TRAPPC9: variants seen among roughly 807,000 people sequenced by gnomAD.
TRAPPC9 encodes trafficking protein particle complex subunit 9.
In TRAPPC9, 83 loss-of-function variants were observed where a neutral mutation model predicts 124.0. That is an observed-to-expected ratio of 0.67 (90% CI 0.56 to 0.80). TRAPPC9 has a LOEUF of 0.80. Ranked by LOEUF, TRAPPC9 falls within the 30% of genes least tolerant of loss-of-function variation. The probability of loss-of-function intolerance (pLI) is 0.00; values close to 1 mark genes in which losing one functional copy is unlikely to be tolerated. For missense variants in TRAPPC9, 1,302 were observed against 1,508.3 expected (o/e 0.86, Z 2.27); for synonymous variants, 638 against 617.5 (o/e 1.03, Z -0.49).
At chr8:140,142,861 AAT>A (rs2061402568) in intron 17 of TRAPPC9, among the ~76,000 whole-genome samples, 1 of 144,784 alleles carries the variant, frequency 6.9e-6, no homozygotes, top group African/African-American at 2.6e-5. Flanking sequence ...TGCTATAAGG[AAT>A]AAATCACAGA....
At chr8:139,973,219 G>A (rs895883758) in intron 19 of TRAPPC9, among the ~76,000 whole-genome samples, 36 of 152,340 alleles carry the variant, frequency 2.4e-4, no homozygotes, top group African/African-American at 7.0e-4. Context: ...TGAGGCATCC[G>A]TCCAAGAGGA....
At chr8:140,350,625 A>C in intron 9 of TRAPPC9, among the ~76,000 whole-genome samples, 1 of 152,026 alleles carries the variant, frequency 6.6e-6, no homozygotes, top group Non-Finnish European at 1.5e-5. Flanking sequence ...GCCGGGGGTC[A>C]CGGTGGTCTC....
intron 6 of TRAPPC9, 66 bp from the exon 7 acceptor site, chr8:140,397,811 G>A: frequency 1.2e-6 from 2 of 1,600,954 alleles, no homozygotes; most frequent in Middle Eastern, 1.7e-4. Flanking sequence ...CATTCTAAAG[G>A]CTGTGCTACT....
chr8:139,737,216 C>T (rs1818233350), intron 21 of TRAPPC9, among the ~76,000 whole-genome samples: 1 of 152,154 alleles, frequency 6.6e-6, no homozygotes, highest in Admixed American at 6.5e-5. Flanking sequence ...AGGGACAGAG[C>T]GGGCAGCCCA....
At chr8:139,738,606 G>A (rs1332044788) in intron 21 of TRAPPC9, among the ~76,000 whole-genome samples, 1 of 152,240 alleles carries the variant, frequency 6.6e-6, no homozygotes, top group Non-Finnish European at 1.5e-5. Context: ...GCCCAGGGAG[G>A]AAGGTAGCCC....
At chr8:140,030,478 A>G (rs1336699151) in intron 17 of TRAPPC9, among the ~76,000 whole-genome samples, 2 of 152,212 alleles carry the variant, frequency 1.3e-5, no homozygotes, top group African/African-American at 4.8e-5. Flanking sequence ...TTAAACCTAC[A>G]ATTAACATAT....
At chr8:140,143,460 TCATA>T (rs2130785823) in intron 17 of TRAPPC9, among the ~76,000 whole-genome samples, 1 of 152,372 alleles carries the variant, frequency 6.6e-6, no homozygotes, top group South Asian at 2.1e-4. Context: ...TTGGGATATT[TCATA>T]TATACAGAAA....
chr8:139,757,873 G>A (rs1042909174), intron 21 of TRAPPC9, among the ~76,000 whole-genome samples: 2 of 152,268 alleles, frequency 1.3e-5, no homozygotes, highest in East Asian at 1.9e-4. Flanking sequence ...CTGAACCCAC[G>A]GCAAGGACGC....
intron 17 of TRAPPC9, among the ~76,000 whole-genome samples, chr8:140,219,379 G>A (rs935566166): frequency 3.3e-5 from 5 of 152,180 alleles, no homozygotes; most frequent in Admixed American, 6.5e-5. Flanking sequence ...AAAACGTTAC[G>A]TTTTCCCTTT....
intron 16 of TRAPPC9, among the ~76,000 whole-genome samples, chr8:140,230,389 G>A (rs4606037): frequency 0.65 from 98,415 of 151,338 alleles, 32,514 homozygotes; most frequent in Admixed American, 0.73. Context: ...CAGGTGGATC[G>A]CCTGAGGTCA....
intron 6 of TRAPPC9, among the ~76,000 whole-genome samples, chr8:140,400,014 C>T (rs950462809): frequency 5.3e-5 from 8 of 152,172 alleles, no homozygotes; most frequent in African/African-American, 1.2e-4. Flanking sequence ...CAGGAGCTTC[C>T]GCTTTGGAGT....
chr8:140,371,262 A>G, intron 7 of TRAPPC9, 82 bp from the exon 8 acceptor site: 2 of 1,349,964 alleles, frequency 1.5e-6, no homozygotes, highest in South Asian at 2.5e-5. Flanking sequence ...ATGTCTCTTC[A>G]TAAAACAAAG....
rs542303394 is a variant in TRAPPC9, at chr8:139,909,031, C to A, written c.2964+1116G>T. On this transcript the variant is annotated intron_variant, in intron 20 of 22. Transcript: ENST00000438773. ...AACTCCTTGGAGACAGTGAGTCTGCCAGGCTCAAAGTCCCTTTAGCTTGAA... is the reference window on the plus strand; with the variant it reads ...AACTCCTTGGAGACAGTGAGTCTGCAAGGCTCAAAGTCCCTTTAGCTTGAA... Among the ~76,000 whole-genome samples the A allele has an allele frequency of 5.3e-5, 8 of 152,310 alleles. No homozygotes were observed. In the South Asian group the frequency reaches 1.0e-3, roughly 20 times the overall value.
intron 17 of TRAPPC9, among the ~76,000 whole-genome samples, chr8:140,106,500 T>C (rs2060668201): frequency 6.6e-6 from 1 of 152,166 alleles, no homozygotes; most frequent in Non-Finnish European, 1.5e-5. Context: ...TGAGTGGATG[T>C]CACGGCCTAT....
intron 18 of TRAPPC9, among the ~76,000 whole-genome samples, chr8:140,019,583 C>T (rs1839702224): frequency 1.9e-5 from 2 of 108,088 alleles, no homozygotes; most frequent in African/African-American, 3.7e-5. Flanking sequence ...GACAGAATCT[C>T]GCTGTGTCAC....
rs1817731669 is a variant in TRAPPC9 at position 139,730,170 on chromosome 8, A to C, written c.*891T>G. ...CAGGCCTCCTTCCACCTCCCAGACA[A>C]GCTGCTGGTGACCAGATTCCTGTCT... On this transcript the variant is annotated 3_prime_UTR_variant, in exon 23 of 23. Coordinates refer to ENST00000438773, the MANE Select transcript of TRAPPC9 (RefSeq NM_001160372.4). 6.6e-6 allele frequency among the ~76,000 whole-genome samples: 1 copy of C among 152,080 alleles called. No individual in the cohort carries two copies. The highest frequency in any genetic ancestry group is 2.4e-5 in the African/African-American group (1 of 41,420).
At chr8:139,872,619 G>A (rs1829021627) in intron 21 of TRAPPC9, among the ~76,000 whole-genome samples, 1 of 149,864 alleles carries the variant, frequency 6.7e-6, no homozygotes, top group South Asian at 2.2e-4. Context: ...TGGGTGGGCT[G>A]GTGGACGGGT....
chr8:140,435,481 T>C (rs1403605363), intron 3 of TRAPPC9, among the ~76,000 whole-genome samples: 8 of 152,228 alleles, frequency 5.3e-5, no homozygotes, highest in Admixed American at 5.2e-4. Context: ...AGGCAGGCAA[T>C]GCAGAACACT....
rs114657534 is a variant in TRAPPC9, at chr8:140,005,568, T to A, written c.2700-16732A>T. ...AACAGTGTTTGCAAAGGTCTCAAGC[T>A]CAATCAGCACGGCTTATTGGGGGAA... On this transcript the variant is annotated intron_variant, in intron 18 of 22. Transcript: ENST00000438773. Among the ~76,000 whole-genome samples the A allele has an allele frequency of 7.4e-3, 1,127 of 152,120 alleles. 14 individuals are homozygous for A. The highest frequency in any genetic ancestry group is 0.025 in the African/African-American group (1,052 of 41,512).
Sources: gnomAD v4.1 joint callset for allele counts (sites outside exome capture counted in the v4.1 genomes callset) on GRCh38, gnomAD v4.1.1 for gene constraint, MANE v1.5 for transcripts, NCBI Gene and HGNC (gene_info 2026-07-23, HGNC 2026-07-21) for gene names.